The following SRL variants were observed in gnomAD, a reference collection of about 807,000 sequenced individuals.
SRL encodes the protein sarcalumenin.
SRL carries 23 observed loss-of-function variants against 39.5 expected under a neutral mutation model. That is an observed-to-expected ratio of 0.58 (90% CI 0.42 to 0.82). The LOEUF (loss-of-function observed/expected upper bound fraction) is 0.82, where lower values mean the gene tolerates loss of function less well. SRL is among the 40% of genes least tolerant of loss of function. SRL has a pLI of 0.00. For missense variants in SRL, 592 were observed against 607.8 expected (o/e 0.97, Z 0.27); for synonymous variants, 272 against 237.4 (o/e 1.15, Z -1.34).
At chr16:4,200,483 A>T (rs949462946) in intron 3 of SRL, among the ~76,000 whole-genome samples, 1 of 152,198 alleles carries the variant, frequency 6.6e-6, no homozygotes, top group Non-Finnish European at 1.5e-5. Context: ...GCCAGAGACT[A>T]GGAGTTAAGA....
chr16:4,213,508 C>T (rs958659481), intron 1 of SRL, among the ~76,000 whole-genome samples: 3 of 144,704 alleles, frequency 2.1e-5, no homozygotes, highest in African/African-American at 7.8e-5. Flanking sequence ...CTCCTGGGCT[C>T]AAGGGATCCT....
Position 4,195,720 on chromosome 16 carries a change from C to T in SRL, c.443G>A (p.Gly148Asp). Residue 148 changes from glycine to aspartate, a missense_variant, in exon 5 of 6, where the codon GGC becomes GAC. Gly to Asp is a moderately conservative substitution (Grantham distance 94). Transcript: ENST00000399609. ...GGCGCTGTCAGCAGCCATGACGATG[C>T]CCTCGATGGTTTTCAGCTTAGGCCC... is the stretch of plus-strand genomic sequence containing the variant. ...MHGPKLKTIE[G>D]IVMAADSARS... 6.2e-7 allele frequency: 1 copy of T among 1,614,028 alleles called. No individual in the cohort carries two copies.
In SRL at chr16:4,198,649, C is replaced by T. The variant is rs144326378; in HGVS notation, c.260-734G>A. On this transcript the variant is annotated intron_variant, in intron 3 of 5. Transcript: ENST00000399609. ...TTTTTGTAGAGATGGGGTCTTGCAA[C>T]GTTGCTCAGGCTGGTCTCAAACTTC... is the stretch of plus-strand genomic sequence containing the variant. 7.9e-5 allele frequency among the ~76,000 whole-genome samples: 12 copies of T among 152,134 alleles called. No homozygotes were observed. The East Asian group carries it at 1.5e-3, about 20-fold the overall frequency.
At chr16:4,208,522 C>T (rs1032622771) in intron 1 of SRL, among the ~76,000 whole-genome samples, 2 of 152,178 alleles carry the variant, frequency 1.3e-5, no homozygotes, top group Non-Finnish European at 2.9e-5. Context: ...TGGGCTCAAC[C>T]TTGGAGATGC....
chr16:4,203,771 G>T (rs1157126505), intron 2 of SRL, among the ~76,000 whole-genome samples: 1 of 152,142 alleles, frequency 6.6e-6, no homozygotes, highest in African/African-American at 2.4e-5. Context: ...CTGCCTCACT[G>T]CAAGCCCTTT....
In SRL at chr16:4,203,173, C is replaced by T; in HGVS notation, c.252G>A (p.Glu84=). 2 of 1,614,068 alleles carry T rather than the reference C, an allele frequency of 1.2e-6. No individual in the cohort carries two copies. Among genetic ancestry groups the T allele is most frequent in the Non-Finnish European group, 1.7e-6 (2 of 1,179,904 alleles). ...SYKYNELRQH[E]ITDGEITSKP... is the part of the protein sequence containing the mutation. ...TGTTATCTCAAGCCCTACCTGTGAT[C>T]TCATGCTGCCGGAGCTCATTGTACT... is the stretch of plus-strand genomic sequence containing the variant. The change falls in exon 3 of 6, where the codon GAG becomes GAA. Residue 84 remains glutamate, a synonymous_variant. Coordinates refer to ENST00000399609, the MANE Select transcript of SRL (RefSeq NM_001098814.2).
At chr16:4,212,548 C>G (rs2052406938) in intron 1 of SRL, among the ~76,000 whole-genome samples, 1 of 152,196 alleles carries the variant, frequency 6.6e-6, no homozygotes, top group African/African-American at 2.4e-5. Context: ...CCCAGGACAC[C>G]CTGGAGAGGT....
At chr16:4,211,113 T>C (rs2052386764) in intron 1 of SRL, among the ~76,000 whole-genome samples, 1 of 151,982 alleles carries the variant, frequency 6.6e-6, no homozygotes, top group Admixed American at 6.6e-5. Context: ...CTTCCCTTTC[T>C]CTGCAGTTTT....
chr16:4,217,042 G>A (rs1210381482), intron 1 of SRL, among the ~76,000 whole-genome samples: 3 of 152,196 alleles, frequency 2.0e-5, no homozygotes, highest in African/African-American at 7.2e-5. Context: ...AGGAATCTGG[G>A]CCCACCCCAT....
chr16:4,219,190 G>T (rs978291360), intron 1 of SRL, among the ~76,000 whole-genome samples: 1 of 152,266 alleles, frequency 6.6e-6, no homozygotes. Flanking sequence ...GCCAGAAGTC[G>T]CCAGTGCACT....
chr16:4,229,186 G>C (rs1292996827), intron 1 of SRL, among the ~76,000 whole-genome samples: 1 of 152,030 alleles, frequency 6.6e-6, no homozygotes, highest in Admixed American at 6.6e-5. Flanking sequence ...GCTCGCAACT[G>C]TAATCCCAGC....
chr16:4,237,644 C>T lies in SRL; in HGVS notation c.61+4363G>A, dbSNP rs189563652. ...CTTCCGAACACGTCCCGCCACCCCACTTCCATCTGCCCGCCTTCATGCAAG... is the reference window on the plus strand; with the variant it reads ...CTTCCGAACACGTCCCGCCACCCCATTTCCATCTGCCCGCCTTCATGCAAG... On this transcript the variant is annotated intron_variant, in intron 1 of 5. Transcript: ENST00000399609. Among the ~76,000 whole-genome samples, 7 of 152,172 alleles carry T rather than the reference C, an allele frequency of 4.6e-5. No homozygotes were observed. The East Asian group carries it at 1.2e-3, about 25-fold the overall frequency.
chr16:4,241,012 G>T (rs1597302598), intron 1 of SRL, among the ~76,000 whole-genome samples: 1 of 152,160 alleles, frequency 6.6e-6, no homozygotes, highest in Middle Eastern at 3.4e-3. Context: ...TGCTCTCCCT[G>T]CAGGGACTGT....
intron 1 of SRL, among the ~76,000 whole-genome samples, chr16:4,220,326 G>A (rs2052509871): frequency 8.2e-6 from 1 of 121,518 alleles, no homozygotes; most frequent in African/African-American, 3.0e-5. Context: ...CGGGTGTGGT[G>A]GCACACAGCT....
intron 1 of SRL, among the ~76,000 whole-genome samples, chr16:4,214,429 G>A (rs1048765101): frequency 6.6e-6 from 1 of 152,174 alleles, no homozygotes; most frequent in African/African-American, 2.4e-5. Flanking sequence ...TCCCCAGCGG[G>A]GGCAGGAATC....
At chr16:4,203,444 C>T (rs556730661) in intron 2 of SRL, among the ~76,000 whole-genome samples, 183 bp from the exon 3 acceptor site, 7 of 152,318 alleles carry the variant, frequency 4.6e-5, no homozygotes, top group South Asian at 4.1e-4. Flanking sequence ...CATCTCAACT[C>T]GCAGAAACCT....
chr16:4,199,135 G>C (rs1023033163), intron 3 of SRL, among the ~76,000 whole-genome samples: 1 of 151,930 alleles, frequency 6.6e-6, no homozygotes, highest in African/African-American at 2.4e-5. Context: ...AAAAACACTA[G>C]GCACTCCCCT....
At chr16:4,235,294 A>C (rs1242452315) in intron 1 of SRL, among the ~76,000 whole-genome samples, 3 of 152,260 alleles carry the variant, frequency 2.0e-5, no homozygotes, top group Non-Finnish European at 2.9e-5. Flanking sequence ...CTCATGCCAA[A>C]GTGAGTCCCA....
In SRL at chr16:4,193,074, G is replaced by A. The variant is rs886392810; in HGVS notation, c.611-110C>T. On this transcript the variant is annotated intron_variant, in intron 5 of 5. Transcript: ENST00000399609. ...GGGTTGAAAGAAGGAACAGCGCTAC[G>A]GATTTTCTGGGTTTCTACAGACTAT... is the stretch of plus-strand genomic sequence containing the variant. 36 of 923,608 alleles carry A rather than the reference G, an allele frequency of 3.9e-5. 1 individual carries two copies. In the African/African-American group the frequency reaches 4.7e-4, roughly 12 times the overall value. 57.2% of individuals were successfully genotyped at this position (923,608 alleles called of 1,614,324 possible).
Sources: allele counts gnomAD v4.1 joint callset (sites outside exome capture counted in the v4.1 genomes callset), GRCh38; gene constraint gnomAD v4.1.1; transcripts MANE v1.5; gene names NCBI Gene and HGNC (gene_info 2026-07-23, HGNC 2026-07-21).